The following IGF2BP1 variants were observed in gnomAD, a reference collection of about 807,000 sequenced individuals.
IGF2BP1 encodes insulin like growth factor 2 mRNA binding protein 1, also known as insulin-like growth factor 2 mRNA-binding protein 1.
In IGF2BP1, 11 loss-of-function variants were observed where a neutral mutation model predicts 74.9. That is an observed-to-expected ratio of 0.15 (90% CI 0.09 to 0.24). The LOEUF (loss-of-function observed/expected upper bound fraction) is 0.24. IGF2BP1 is among the 10% of genes least tolerant of loss of function. The pLI is 1.00. For missense variants in IGF2BP1, 440 were observed against 757.4 expected (o/e 0.58, Z 4.92); for synonymous variants, 287 against 281.8 (o/e 1.02, Z -0.18).
At chr17:49,011,017 A>G (rs2041610573) in intron 2 of IGF2BP1, among the ~76,000 whole-genome samples, 2 of 151,698 alleles carry the variant, frequency 1.3e-5, no homozygotes, top group Non-Finnish European at 2.9e-5. Context: ...CGCACCTGTA[A>G]TCCCAGCTTC....
intron 8 of IGF2BP1, 122 bp downstream of exon 8, chr17:49,041,622 GA>G (rs2042053741): frequency 1.5e-6 from 2 of 1,318,712 alleles, no homozygotes; most frequent in Admixed American, 2.1e-5. Context: ...GCCTCTTGAA[GA>G]AAAACAGTCG....
intron 3 of IGF2BP1, 77 bp from the exon 4 acceptor site, chr17:49,026,389 T>C: frequency 7.8e-7 from 1 of 1,289,004 alleles, no homozygotes; most frequent in Non-Finnish European, 1.1e-6. Flanking sequence ...TGCTTTGGGA[T>C]GCAGGGTGTC....
chr17:49,027,478 G>A (rs1175624914), intron 4 of IGF2BP1, among the ~76,000 whole-genome samples: 1 of 152,154 alleles, frequency 6.6e-6, no homozygotes, highest in Non-Finnish European at 1.5e-5. Flanking sequence ...TTATTACTTA[G>A]TTAATGTAGT....
chr17:49,040,125 C>A (rs373385641), intron 7 of IGF2BP1, 34 bp downstream of exon 7: 5 of 1,610,992 alleles, frequency 3.1e-6, no homozygotes, highest in Non-Finnish European at 4.2e-6. Flanking sequence ...TCTTCAGGGT[C>A]TGCTAGTCCA....
intron 5 of IGF2BP1, among the ~76,000 whole-genome samples, chr17:49,034,748 A>C (rs1567822897): frequency 2.4e-5 from 2 of 83,856 alleles, no homozygotes; most frequent in East Asian, 5.0e-4. Context: ...AAAAAAACAC[A>C]AAAAAAACAA....
Position 49,046,035 on chromosome 17 carries a change from G to A in IGF2BP1, c.1527+14G>A, listed in dbSNP as rs1450911474. 6.2e-7 allele frequency: 1 copy of A among 1,613,290 alleles called. No homozygotes were observed. Among genetic ancestry groups the A allele is most frequent in the Non-Finnish European group, 8.5e-7 (1 of 1,179,680 alleles). ...GGTGGAAAAACGGTGAGCTGTGAGG[G>A]CCAGGTTGAAAGCCCTGGGCCTTGG... On this transcript the variant is annotated intron_variant, in intron 13 of 14. Coordinates refer to ENST00000290341, the MANE Select transcript of IGF2BP1 (RefSeq NM_006546.4).
intron 2 of IGF2BP1, among the ~76,000 whole-genome samples, chr17:49,018,877 A>C (rs1179394821): frequency 6.6e-6 from 1 of 151,992 alleles, no homozygotes; most frequent in Non-Finnish European, 1.5e-5. Flanking sequence ...GGCCTGGGGG[A>C]GGGGTGGAGG....
At chr17:49,021,698 G>C (rs916999460) in intron 2 of IGF2BP1, among the ~76,000 whole-genome samples, 1 of 152,162 alleles carries the variant, frequency 6.6e-6, no homozygotes, top group African/African-American at 2.4e-5. Context: ...ATAGGAGGGT[G>C]GTGGGGAGGG....
At chr17:49,043,078 C>G (rs963973380) in intron 9 of IGF2BP1, among the ~76,000 whole-genome samples, 1 of 152,102 alleles carries the variant, frequency 6.6e-6, no homozygotes, top group Non-Finnish European at 1.5e-5. Flanking sequence ...TGTCTCCACG[C>G]CTTTTTCTCA....
chr17:49,017,865 C>T (rs1466581637), intron 2 of IGF2BP1: 3 of 152,252 alleles, frequency 2.0e-5, no homozygotes, highest in South Asian at 2.1e-4. Flanking sequence ...CTGCCTCGGC[C>T]TCCCAAAGTG....
rs1183537103 is a variant in IGF2BP1 at position 49,051,820 on chromosome 17, T to C, written c.*2376T>C. 6.6e-6 allele frequency: 1 copy of C among 152,126 alleles called. No individual in the cohort carries two copies. The highest frequency in any genetic ancestry group is 1.5e-5 in the Non-Finnish European group (1 of 68,038). 9.4% of individuals were successfully genotyped at this position (152,126 alleles called of 1,614,324 possible). A position where few individuals can be genotyped will look rare whatever the true frequency, so the allele number is the denominator to read the frequency against. ...CAGAGAGGTCCACCTGGTTTGTCATTGCAATGCTTTTCATTTTTTTTTTTT... is the reference window on the plus strand; with the variant it reads ...CAGAGAGGTCCACCTGGTTTGTCATCGCAATGCTTTTCATTTTTTTTTTTT... On this transcript the variant is annotated 3_prime_UTR_variant, in exon 15 of 15. Coordinates refer to ENST00000290341, the MANE Select transcript of IGF2BP1 (RefSeq NM_006546.4).
chr17:49,022,252 G>T (rs1433743973), intron 2 of IGF2BP1, among the ~76,000 whole-genome samples: 1 of 152,204 alleles, frequency 6.6e-6, no homozygotes, highest in Non-Finnish European at 1.5e-5. Flanking sequence ...TGGAATGAAT[G>T]AGACTGGGAC....
At chr17:49,044,568 T>C (rs530324253) in intron 11 of IGF2BP1, among the ~76,000 whole-genome samples, 1 of 152,222 alleles carries the variant, frequency 6.6e-6, no homozygotes, top group African/African-American at 2.4e-5. Context: ...AGGATGCTGT[T>C]AGAGTTTCAC....
chr17:49,055,818 G>A lies in IGF2BP1; in HGVS notation c.*6374G>A, dbSNP rs960008750. Reference sequence around the variant, plus strand: ...TGAGTGCAAATTGGGAAGAGCTGGAGGCCTACTGCTTGGGACAGTTTTTTT... The same window carrying A: ...TGAGTGCAAATTGGGAAGAGCTGGAAGCCTACTGCTTGGGACAGTTTTTTT... On this transcript the variant is annotated 3_prime_UTR_variant, in exon 15 of 15. Transcript: ENST00000290341. Among the ~76,000 whole-genome samples, 1 of 149,952 alleles carries A rather than the reference G, an allele frequency of 6.7e-6. No homozygotes were observed. Among genetic ancestry groups the A allele is most frequent in the African/African-American group, 2.5e-5 (1 of 40,470 alleles).
chr17:49,013,966 C>T (rs1879804510), intron 2 of IGF2BP1: 2 of 152,516 alleles, frequency 1.3e-5, no homozygotes, highest in African/African-American at 2.4e-5. Flanking sequence ...TGTCCCCTTC[C>T]TTGCGCGCTG....
At chr17:49,020,664 C>T (rs868056779) in intron 2 of IGF2BP1, among the ~76,000 whole-genome samples, 4 of 152,198 alleles carry the variant, frequency 2.6e-5, no homozygotes, top group Non-Finnish European at 4.4e-5. Flanking sequence ...AGAGTTCACA[C>T]GACCCAGTGA....
At chr17:48,996,587 T>C (rs9890278), upstream of IGF2BP1, 98,473 of 152,272 alleles carry the variant, frequency 0.65, 32,620 homozygotes, top group African/African-American at 0.8. Flanking sequence ...TAGCTATCAC[T>C]CCTCTTCCTT....
chr17:49,007,885 G>C (rs564851905), intron 2 of IGF2BP1, among the ~76,000 whole-genome samples: 1 of 152,232 alleles, frequency 6.6e-6, no homozygotes, highest in South Asian at 2.1e-4. Context: ...CTAAATTAAA[G>C]GGCAGGCCAG....
intron 10 of IGF2BP1, 101 bp downstream of exon 10, chr17:49,043,651 C>CAGGGAGAGGGA (rs1307035926): frequency 3.5e-5 from 49 of 1,416,090 alleles, no homozygotes; most frequent in Non-Finnish European, 3.3e-5. Context: ...GGCAAGTTTG[C>CAGGGAGAGGGA]AGGGAGAGGG....
Sources: allele counts gnomAD v4.1 joint callset (sites outside exome capture counted in the v4.1 genomes callset), GRCh38; gene constraint gnomAD v4.1.1; transcripts MANE v1.5; gene names NCBI Gene and HGNC (gene_info 2026-07-23, HGNC 2026-07-21).